Variants in RETREG1 observed in about 807,000 individuals in gnomAD.
RETREG1 encodes the protein reticulophagy regulator 1, also known as family with sequence similarity 134 member B.
Under a neutral mutation model 54.8 loss-of-function variants are expected in RETREG1, and 44 were observed. That is an observed-to-expected ratio of 0.80 (90% CI 0.63 to 1.03). The LOEUF is 1.03. RETREG1 is among the 50% of genes least tolerant of loss of function. The probability of loss-of-function intolerance (pLI) is 0.00; values close to 1 mark genes in which losing one functional copy is unlikely to be tolerated. For missense variants in RETREG1, 554 were observed against 605.1 expected (o/e 0.92, Z 0.89); for synonymous variants, 217 against 238.5 (o/e 0.91, Z 0.83).
At chr5:16,539,495 A>G (rs767456) in intron 3 of RETREG1, among the ~76,000 whole-genome samples, 3,477 of 152,284 alleles carry the variant, frequency 0.023, 125 homozygotes, top group African/African-American at 0.078. Flanking sequence ...GGAGCGAGCC[A>G]GGAGACAAGG....
chr5:16,572,879 C>T (rs1306459423), intron 1 of RETREG1, among the ~76,000 whole-genome samples: 1 of 151,992 alleles, frequency 6.6e-6, no homozygotes, highest in Non-Finnish European at 1.5e-5. Flanking sequence ...CTCCCACCCT[C>T]GTCTCTTAAA....
At chr5:16,488,287 G>A (rs1464308787) in intron 3 of RETREG1, among the ~76,000 whole-genome samples, 7 of 152,194 alleles carry the variant, frequency 4.6e-5, no homozygotes, top group Non-Finnish European at 1.0e-4. Flanking sequence ...CTGGGCATTA[G>A]GCAAGGAAGG....
chr5:16,595,192 C>T (rs75341351), intron 1 of RETREG1, among the ~76,000 whole-genome samples: 1,733 of 152,260 alleles, frequency 0.011, 39 homozygotes, highest in African/African-American at 0.039. Flanking sequence ...ACACGAGGCC[C>T]CCTAAACCTT....
chr5:16,507,396 C>T (rs547571131), intron 3 of RETREG1, among the ~76,000 whole-genome samples: 39 of 152,278 alleles, frequency 2.6e-4, no homozygotes, highest in African/African-American at 5.1e-4. Flanking sequence ...GGGATACATA[C>T]GAGTAAATCA....
intron 3 of RETREG1, among the ~76,000 whole-genome samples, chr5:16,529,109 C>A (rs905766654): frequency 3.9e-5 from 6 of 152,148 alleles, no homozygotes; most frequent in African/African-American, 1.4e-4. Flanking sequence ...CTATGTGTTC[C>A]CTTTTATAAT....
At chr5:16,599,438 A>G (rs1217120600) in intron 1 of RETREG1, among the ~76,000 whole-genome samples, 1 of 152,204 alleles carries the variant, frequency 6.6e-6, no homozygotes, top group African/African-American at 2.4e-5. Context: ...TTGGATAGGA[A>G]TTATCACAAC....
At chr5:16,526,093 G>A (rs1740708828) in intron 3 of RETREG1, among the ~76,000 whole-genome samples, 1 of 152,170 alleles carries the variant, frequency 6.6e-6, no homozygotes, top group African/African-American at 2.4e-5. Context: ...ACCAAATAAC[G>A]AGGCACCATT....
intron 3 of RETREG1, among the ~76,000 whole-genome samples, chr5:16,500,266 T>C (rs996724569): frequency 3.9e-5 from 6 of 152,188 alleles, no homozygotes; most frequent in African/African-American, 1.2e-4. Flanking sequence ...CTAGATGAAT[T>C]GTAATGCATT....
chr5:16,616,585 C>A, intron 1 of RETREG1, 67 bp downstream of exon 1: 1 of 1,536,306 alleles, frequency 6.5e-7, no homozygotes, highest in Non-Finnish European at 8.7e-7. Context: ...GCACTGGGTC[C>A]CCGGGGCCCC....
At chr5:16,544,869 C>T (rs994447837) in intron 3 of RETREG1, among the ~76,000 whole-genome samples, 2 of 152,316 alleles carry the variant, frequency 1.3e-5, no homozygotes, top group African/African-American at 4.8e-5. Context: ...GAATGCTGAA[C>T]TGCTTTGTTC....
chr5:16,609,256 A>C (rs528116375), intron 1 of RETREG1, among the ~76,000 whole-genome samples: 1 of 152,244 alleles, frequency 6.6e-6, no homozygotes, highest in African/African-American at 2.4e-5. Context: ...CCTGTGTAAA[A>C]TGGGAACAAC....
intron 3 of RETREG1, among the ~76,000 whole-genome samples, chr5:16,502,763 T>A (rs1410976792): frequency 1.3e-5 from 2 of 152,232 alleles, no homozygotes. Context: ...TAAAGAGACG[T>A]TGTTTTTAAA....
At chr5:16,500,133 C>T (rs527730460) in intron 3 of RETREG1, among the ~76,000 whole-genome samples, 2 of 152,296 alleles carry the variant, frequency 1.3e-5, no homozygotes, top group East Asian at 1.9e-4. Context: ...CTTGTCCATA[C>T]GAAGTGGAGC....
chr5:16,611,858 A>C (rs1743350251), intron 1 of RETREG1, among the ~76,000 whole-genome samples: 1 of 152,190 alleles, frequency 6.6e-6, no homozygotes, highest in South Asian at 2.1e-4. Context: ...TGAGATCAGG[A>C]GTTCGTGACC....
At chr5:16,491,721 T>A (rs1739253462) in intron 3 of RETREG1, among the ~76,000 whole-genome samples, 1 of 152,070 alleles carries the variant, frequency 6.6e-6, no homozygotes, top group Non-Finnish European at 1.5e-5. Context: ...GCCTTCAAAA[T>A]TAGCTAATTA....
chr5:16,534,201 G>A (rs1740992533), intron 3 of RETREG1, among the ~76,000 whole-genome samples: 1 of 152,126 alleles, frequency 6.6e-6, no homozygotes, highest in Admixed American at 6.5e-5. Context: ...TGTAATCCCA[G>A]CATTTTGGGA....
chr5:16,609,551 C>G (rs1478385662), intron 1 of RETREG1, among the ~76,000 whole-genome samples: 2 of 152,092 alleles, frequency 1.3e-5, no homozygotes, highest in African/African-American at 4.8e-5. Context: ...GGACGCCATC[C>G]AGGAGGAAGG....
At chr5:16,610,471 ACC>A (rs1281281345) in intron 1 of RETREG1, among the ~76,000 whole-genome samples, 1 of 152,224 alleles carries the variant, frequency 6.6e-6, no homozygotes, top group Non-Finnish European at 1.5e-5. Context: ...TGAACAGGCA[ACC>A]TACAGAATGG....
intron 1 of RETREG1, among the ~76,000 whole-genome samples, chr5:16,604,566 A>G (rs1743134693): frequency 6.6e-6 from 1 of 152,144 alleles, no homozygotes; most frequent in Non-Finnish European, 1.5e-5. Flanking sequence ...CCACGTGGCC[A>G]CAACTCAGGA....
Sources: gnomAD v4.1 joint callset for allele counts (sites outside exome capture counted in the v4.1 genomes callset) on GRCh38, gnomAD v4.1.1 for gene constraint, MANE v1.5 for transcripts, NCBI Gene and HGNC (gene_info 2026-07-23, HGNC 2026-07-21) for gene names.